MAGT1: variants seen among roughly 807,000 people sequenced by gnomAD.
MAGT1 encodes dolichyl-diphosphooligosaccharide--protein glycosyltransferase subunit MAGT1.
MAGT1 carries 4 observed loss-of-function variants against 28.4 expected under a neutral mutation model. The observed-to-expected ratio is 0.14, with a 90% CI of 0.07 to 0.32. The LOEUF (loss-of-function observed/expected upper bound fraction) is 0.32. MAGT1 is among the 10% of genes least tolerant of loss of function. The pLI is 1.00. For synonymous variants in MAGT1, 89 were observed against 89.7 expected, an observed-to-expected ratio of 0.99 and a Z score of 0.04; for missense variants, 193 against 264.5, an observed-to-expected ratio of 0.73 and a Z score of 1.88.
rs782796102 is a variant in MAGT1, at chrX:77,849,162, T to TAC, written c.826+4737_826+4738dup. 3.7e-5 allele frequency among the ~76,000 whole-genome samples: 4 copies of TAC among 108,803 alleles called. No individual in the cohort carries two copies. The East Asian group carries it at 1.2e-3, about 32-fold the overall frequency. 94.5% of individuals were successfully genotyped at this position (108,803 alleles called of 115,157 possible). ...TGTGATCTCAGCTCACTGCAACCTC[T>TAC]ACCTCCTGGGCTCAAGCCACCCTCC... On this transcript the variant is annotated intron_variant, in intron 7 of 9. Transcript: ENST00000618282.
intron 7 of MAGT1, among the ~76,000 whole-genome samples, chrX:77,845,122 G>GT (rs2076947611): frequency 9.0e-6 from 1 of 111,387 alleles, no homozygotes; most frequent in Non-Finnish European, 1.9e-5. Flanking sequence ...ATGAATCTGG[G>GT]TGCTCCTGTA....
In MAGT1 at chrX:77,889,888, T is replaced by C. The variant is rs781890783; in HGVS notation, c.102+5421A>G. Among the ~76,000 whole-genome samples, 11 of 112,095 alleles carry C rather than the reference T, an allele frequency of 9.8e-5. No individual in the cohort carries two copies. The South Asian group carries it at 1.8e-3, about 19-fold the overall frequency. Reference sequence around the variant, plus strand: ...ATCAAACAGTAGGTCTTATTCATTATGTTTTTTGTTTTTTGTTTGTACTCA... The same window carrying C: ...ATCAAACAGTAGGTCTTATTCATTACGTTTTTTGTTTTTTGTTTGTACTCA... On this transcript the variant is annotated intron_variant, in intron 1 of 9. Transcript: ENST00000618282.
intron 7 of MAGT1, among the ~76,000 whole-genome samples, chrX:77,842,037 T>C (rs1557214457): frequency 1.8e-5 from 2 of 108,964 alleles, no homozygotes; most frequent in Non-Finnish European, 3.8e-5. Context: ...AAAGAACACA[T>C]TTGAAATATA....
At chrX:77,842,825 T>A (rs1362401488) in intron 7 of MAGT1, among the ~76,000 whole-genome samples, 2 of 108,018 alleles carry the variant, frequency 1.9e-5, no homozygotes, top group African/African-American at 6.7e-5. Flanking sequence ...AGACTCCATC[T>A]CAAAAAAAAA....
chrX:77,889,760 C>T (rs1195557157), intron 1 of MAGT1, among the ~76,000 whole-genome samples: 1 of 111,817 alleles, frequency 8.9e-6, no homozygotes, highest in East Asian at 2.8e-4. Flanking sequence ...AGATATCCAT[C>T]TCCTCAAGCA....
intron 7 of MAGT1, among the ~76,000 whole-genome samples, chrX:77,841,641 T>TG (rs2076934960): frequency 9.1e-6 from 1 of 110,347 alleles, no homozygotes; most frequent in Non-Finnish European, 1.9e-5. Context: ...CATTCAGTTA[T>TG]TGCCCTGACC....
At chrX:77,888,368 T>C (rs1557219161) in intron 1 of MAGT1, among the ~76,000 whole-genome samples, 1 of 111,396 alleles carries the variant, frequency 9.0e-6, no homozygotes, top group African/African-American at 3.3e-5. Context: ...GTTTAAAGTC[T>C]TTCTCTTCTC....
At chrX:77,855,666 T>C (rs1013529840) in intron 5 of MAGT1, 76 bp from the exon 6 acceptor site, 9 of 760,145 alleles carry the variant, frequency 1.2e-5, no homozygotes, top group South Asian at 4.8e-5. Context: ...AATATGAAAA[T>C]GTGCATCTGT....
At position 77,861,179 on chromosome X, in the gene MAGT1, C is replaced by CA. The variant is rs1217989456; in HGVS notation, c.391-3683dup. Among the ~76,000 whole-genome samples the CA allele has an allele frequency of 9.2e-3, 872 of 94,668 alleles. 9 individuals carry two copies. The highest frequency in any genetic ancestry group is 0.03 in the African/African-American group (780 of 26,154). 82.2% of individuals were successfully genotyped at this position (94,668 alleles called of 115,157 possible). ...GGGCAACAAGAGTGAAACTCTATCTCAAAAAAAAAAAAGGCAACACACACA... is the reference window on the plus strand; with the variant it reads ...GGGCAACAAGAGTGAAACTCTATCTCAAAAAAAAAAAAAGGCAACACACACA... On this transcript the variant is annotated intron_variant, in intron 3 of 9. Transcript: ENST00000618282.
At chrX:77,873,264 A>C (rs1366172232) in intron 2 of MAGT1, among the ~76,000 whole-genome samples, 1 of 111,984 alleles carries the variant, frequency 8.9e-6, no homozygotes, top group Non-Finnish European at 1.9e-5. Context: ...CAGGGAGAAA[A>C]TCGTTAAAGA....
chrX:77,842,775 C>T (rs1057341850), intron 7 of MAGT1, among the ~76,000 whole-genome samples: 10 of 109,828 alleles, frequency 9.1e-5, no homozygotes, highest in South Asian at 3.8e-4. Context: ...TGCAGTGAGC[C>T]GAGATGGCAC....
In MAGT1 at chrX:77,834,681, G is replaced by C. The variant is rs782137419; in HGVS notation, c.902-3786C>G. On this transcript the variant is annotated intron_variant, in intron 8 of 9. Transcript: ENST00000618282. ...GAAACAACTATAAGAAAACAATGGG[G>C]AAACTCTCCAGGACATTAGTCTGGG... Among the ~76,000 whole-genome samples, 10 of 110,295 alleles carry C rather than the reference G, an allele frequency of 9.1e-5. No individual in the cohort carries two copies. In the South Asian group the frequency reaches 3.9e-3, roughly 43 times the overall value.
intron 1 of MAGT1, among the ~76,000 whole-genome samples, chrX:77,877,867 TAAA>T (rs782503168): frequency 0.14 from 6,902 of 50,773 alleles, 327 homozygotes; most frequent in Non-Finnish European, 0.29. Flanking sequence ...TAAAATAAAA[TAAA>T]ATATACTGAC....
intron 1 of MAGT1, among the ~76,000 whole-genome samples, chrX:77,893,917 G>T (rs1403112508): frequency 1.8e-5 from 2 of 109,142 alleles, no homozygotes; most frequent in Admixed American, 2.0e-4. Context: ...AAAAAAAAAA[G>T]TGGTCATCGT....
chrX:77,860,730 C>A (rs2091897516), intron 3 of MAGT1, among the ~76,000 whole-genome samples: 1 of 111,979 alleles, frequency 8.9e-6, no homozygotes, highest in African/African-American at 3.2e-5. Context: ...TGCAGTGATC[C>A]AGGACTGCGC....
chrX:77,860,558 T>A (rs1227508532), intron 3 of MAGT1, among the ~76,000 whole-genome samples: 1 of 108,454 alleles, frequency 9.2e-6, no homozygotes, highest in African/African-American at 3.3e-5. Context: ...AAGACAGGTG[T>A]ATCACTTGAG....
rs1425320184 is a variant in MAGT1, at chrX:77,875,357, C to T, written c.272+71G>A. 5.6e-6 allele frequency: 6 copies of T among 1,067,254 alleles called. No homozygotes were observed. The East Asian group carries it at 1.8e-4, about 32-fold the overall frequency. The allele number at this position is 1,067,254 out of a possible 1,213,427, so 88.0% of individuals were successfully genotyped here. A position where few individuals can be genotyped will look rare whatever the true frequency, so the allele number is the denominator to read the frequency against. On this transcript the variant is annotated intron_variant, in intron 2 of 9. Transcript: ENST00000618282. ...TTAAGTACCTACTGCACTAACTTGG[C>T]CCTTCTGGGATTGAGAAATGGTTAA... is the stretch of plus-strand genomic sequence containing the variant.
chrX:77,844,319 T>A (rs1429821530), intron 7 of MAGT1, among the ~76,000 whole-genome samples: 12 of 111,647 alleles, frequency 1.1e-4, no homozygotes, highest in African/African-American at 2.3e-4. Context: ...TTTTATTGCA[T>A]CTATTTGATT....
intron 3 of MAGT1, among the ~76,000 whole-genome samples, chrX:77,865,949 G>A (rs62614907): frequency 0.14 from 7,120 of 52,259 alleles, 1,511 homozygotes; most frequent in Non-Finnish European, 0.29. Context: ...CGAGGTCAGG[G>A]GTTTGAGACC....
Sources: allele counts gnomAD v4.1 joint callset (sites outside exome capture counted in the v4.1 genomes callset), GRCh38; gene constraint gnomAD v4.1.1; transcripts MANE v1.5; gene names NCBI Gene and HGNC (gene_info 2026-07-23, HGNC 2026-07-21).